SBF2: variants seen among roughly 807,000 people sequenced by gnomAD.
SBF2 encodes the protein SET binding factor 2.
In SBF2, 112 loss-of-function variants were observed where a neutral mutation model predicts 225.2. The ratio of observed to expected loss-of-function variants is 0.50; its 90% CI spans 0.43 to 0.58. The LOEUF is 0.58. Ranked by LOEUF, SBF2 falls within the 20% of genes least tolerant of loss-of-function variation. The pLI is 0.00. For missense variants in SBF2, 1,996 were observed against 2,206.2 expected (o/e 0.90, Z 1.91); for synonymous variants, 763 against 773.3 (o/e 0.99, Z 0.22).
intron 2 of SBF2, among the ~76,000 whole-genome samples, chr11:10,189,225 T>C (rs1957063533): frequency 6.6e-6 from 1 of 152,218 alleles, no homozygotes; most frequent in Non-Finnish European, 1.5e-5. Context: ...TGCAAGAACT[T>C]AAATTTTTAC....
intron 2 of SBF2, among the ~76,000 whole-genome samples, chr11:10,162,035 TG>T: frequency 6.6e-6 from 1 of 152,254 alleles, no homozygotes; most frequent in South Asian, 2.1e-4. Context: ...TTTTTAGCAC[TG>T]TTCCCCTTTC....
intron 2 of SBF2, among the ~76,000 whole-genome samples, chr11:10,052,723 A>T (rs914195216): frequency 3.9e-5 from 6 of 152,186 alleles, no homozygotes; most frequent in Non-Finnish European, 8.8e-5. Flanking sequence ...GATATTTTAT[A>T]TATAACCATA....
chr11:10,217,565 TTAGTTC>T (rs1428808330), intron 1 of SBF2, among the ~76,000 whole-genome samples: 1 of 152,186 alleles, frequency 6.6e-6, no homozygotes, highest in African/African-American at 2.4e-5. Context: ...CTTCTATTTA[TTAGTTC>T]TAAAGTATCA....
intron 6 of SBF2, 132 bp from the exon 7 acceptor site, chr11:10,002,821 G>C (rs531827460): frequency 1.2e-6 from 1 of 814,284 alleles, no homozygotes; most frequent in East Asian, 2.5e-5. Flanking sequence ...TGGTTAAACT[G>C]TAAATTCCAT....
At chr11:9,931,889 G>T (rs551890418) in intron 16 of SBF2, among the ~76,000 whole-genome samples, 2 of 152,178 alleles carry the variant, frequency 1.3e-5, no homozygotes, top group South Asian at 4.2e-4. Flanking sequence ...TTGAAAAAAG[G>T]TTAGACGAAT....
chr11:10,033,689 C>A (rs1023941333), intron 3 of SBF2, among the ~76,000 whole-genome samples: 25 of 143,620 alleles, frequency 1.7e-4, no homozygotes, highest in Non-Finnish European at 3.5e-4. Context: ...CACACACACA[C>A]AACAAATAAA....
chr11:10,124,973 C>T (rs1242600404), intron 2 of SBF2, among the ~76,000 whole-genome samples: 1 of 151,894 alleles, frequency 6.6e-6, no homozygotes, highest in African/African-American at 2.4e-5. Context: ...GGCGTGGTGG[C>T]AGGTGCCTGT....
chr11:10,294,358 GC>G (rs1182123227), upstream of SBF2, among the ~76,000 whole-genome samples: 1 of 151,986 alleles, frequency 6.6e-6, no homozygotes, highest in Non-Finnish European at 1.5e-5. Flanking sequence ...GGGCGGTCGG[GC>G]GTGTTCCCGC....
chr11:9,998,702 G>A (rs1325145535), intron 8 of SBF2, among the ~76,000 whole-genome samples: 1 of 152,148 alleles, frequency 6.6e-6, no homozygotes, highest in Non-Finnish European at 1.5e-5. Flanking sequence ...ATTATTAACT[G>A]GCAGCAAACC....
chr11:9,871,899 A>G (rs556994955), intron 17 of SBF2, among the ~76,000 whole-genome samples: 3 of 152,282 alleles, frequency 2.0e-5, no homozygotes, highest in African/African-American at 7.2e-5. Context: ...ACCCTTGTGG[A>G]AGACAGTGTG....
At chr11:10,010,917 G>A (rs1948426253) in intron 6 of SBF2, among the ~76,000 whole-genome samples, 2 of 152,120 alleles carry the variant, frequency 1.3e-5, no homozygotes, top group African/African-American at 4.8e-5. Context: ...ATGTCCTTGA[G>A]CAGTGGTTTG....
chr11:9,871,775 G>A (rs1020472027), intron 17 of SBF2, among the ~76,000 whole-genome samples: 7 of 152,092 alleles, frequency 4.6e-5, no homozygotes, highest in African/African-American at 1.7e-4. Flanking sequence ...ACAGGCATGA[G>A]CCACCGTGCC....
intron 1 of SBF2, among the ~76,000 whole-genome samples, chr11:10,273,146 T>C (rs1217075821): frequency 6.6e-6 from 1 of 152,154 alleles, no homozygotes; most frequent in Admixed American, 6.5e-5. Context: ...AACATGTAAA[T>C]AGAAGACCGT....
At chr11:9,955,351 C>A (rs1005902494) in intron 16 of SBF2, among the ~76,000 whole-genome samples, 2 of 151,938 alleles carry the variant, frequency 1.3e-5, no homozygotes, top group Admixed American at 1.3e-4. Context: ...AAAATAGATT[C>A]ATATCTACTT....
rs1564913035 is a variant in SBF2 at position 9,850,034 on chromosome 11, TG to T, written c.2794del (p.His932MetfsTer4). 1 of 1,613,942 alleles carries T rather than the reference TG, an allele frequency of 6.2e-7. No homozygotes were observed. Among genetic ancestry groups the T allele is most frequent in the Non-Finnish European group, 8.5e-7 (1 of 1,179,886 alleles). On this transcript the variant is annotated frameshift_variant, in exon 22 of 40. Coordinates refer to ENST00000256190, the MANE Select transcript of SBF2 (RefSeq NM_030962.4). LOFTEE classifies it high-confidence loss of function. The part of the protein sequence containing the change: ...TYRILFRGTP[H>X]DQLVGEQTVV... The stretch of plus-strand genomic sequence containing the variant: ...ATATCGAGTCATACCTAACTGATCA[TG>T]GGGTGTTCCTCTGAAGAGAATTCTG...
intron 6 of SBF2, among the ~76,000 whole-genome samples, chr11:10,004,584 A>C (rs1948108066): frequency 6.7e-6 from 1 of 148,500 alleles, no homozygotes; most frequent in African/African-American, 2.4e-5. Flanking sequence ...TAAAAAAAAA[A>C]AAAAAAAAAA....
intron 16 of SBF2, among the ~76,000 whole-genome samples, chr11:9,916,017 T>C (rs967707205): frequency 1.3e-5 from 2 of 152,138 alleles, no homozygotes; most frequent in Admixed American, 6.5e-5. Flanking sequence ...TGAGCCAAGA[T>C]TGCACCACTG....
At chr11:9,905,991 T>C (rs1032596103) in intron 16 of SBF2, among the ~76,000 whole-genome samples, 2 of 152,206 alleles carry the variant, frequency 1.3e-5, no homozygotes, top group African/African-American at 4.8e-5. Context: ...TTTTCCTATG[T>C]GGTATCTCTG....
intron 1 of SBF2, among the ~76,000 whole-genome samples, chr11:10,259,802 ATT>A (rs1161120645): frequency 6.6e-6 from 1 of 152,142 alleles, no homozygotes; most frequent in Non-Finnish European, 1.5e-5. Flanking sequence ...ATAATTTTTT[ATT>A]TTGAGATTAT....
Sources: allele counts gnomAD v4.1 joint callset (sites outside exome capture counted in the v4.1 genomes callset), GRCh38; gene constraint gnomAD v4.1.1; transcripts MANE v1.5; gene names NCBI Gene and HGNC (gene_info 2026-07-23, HGNC 2026-07-21).